Variants in LAMB3 observed in about 807,000 individuals in gnomAD.
LAMB3 encodes the protein laminin subunit beta 3, also known as laminin subunit beta-3.
In LAMB3, 104 loss-of-function variants were observed where a neutral mutation model predicts 140.3. The ratio of observed to expected loss-of-function variants is 0.74; its 90% CI spans 0.63 to 0.87. The LOEUF (loss-of-function observed/expected upper bound fraction) is 0.87. LAMB3 is among the 40% of genes least tolerant of loss of function. LAMB3 has a pLI of 0.00. For missense variants in LAMB3, 1,531 were observed against 1,575.2 expected (o/e 0.97, Z 0.47); for synonymous variants, 592 against 602.9 (o/e 0.98, Z 0.26).
chr1:209,635,554 C>A (rs1356284631), intron 5 of LAMB3, among the ~76,000 whole-genome samples: 1 of 152,166 alleles, frequency 6.6e-6, no homozygotes, highest in Non-Finnish European at 1.5e-5. Flanking sequence ...AGGCGCACAC[C>A]ACCATGCCCT....
intron 3 of LAMB3, among the ~76,000 whole-genome samples, chr1:209,647,178 G>A (rs1019888611): frequency 2.0e-5 from 3 of 152,274 alleles, no homozygotes; most frequent in Non-Finnish European, 4.4e-5. Context: ...TTGCAACATG[G>A]ACCCGGAATT....
Position 209,626,927 on chromosome 1 carries a change from C to A in LAMB3, c.1537G>T (p.Ala513Ser). The change falls in exon 13 of 23, where the codon GCT becomes TCT. Residue 513 changes from alanine (A) to serine (S), a missense_variant. Ala to Ser is a moderately conservative substitution (Grantham distance 99). Coordinates refer to ENST00000356082, the MANE Select transcript of LAMB3 (RefSeq NM_000228.3). ...TCTGGACACTGGCGGATGGCTGCAG[C>A]GCTGCACATCAGGCCACCAAAGCCT... ...REGFGGLMCS[A>S]AAIRQCPDRT... is the part of the protein sequence containing the mutation. 2 of 1,613,832 alleles carry A rather than the reference C, an allele frequency of 1.2e-6. No homozygotes were observed. The highest frequency in any genetic ancestry group is 1.7e-6 in the Non-Finnish European group (2 of 1,179,970).
intron 8 of LAMB3, among the ~76,000 whole-genome samples, chr1:209,632,293 T>C (rs1010942824): frequency 6.6e-6 from 1 of 152,210 alleles, no homozygotes; most frequent in African/African-American, 2.4e-5. Flanking sequence ...TCAGTGAAAT[T>C]ATAATGCATA....
Position 209,623,759 on chromosome 1 carries a change from G to T in LAMB3, c.2138-34C>A. 7 of 1,613,522 alleles carry T rather than the reference G, an allele frequency of 4.3e-6. No individual in the cohort carries two copies. Among genetic ancestry groups the T allele is most frequent in the Non-Finnish European group, 5.9e-6 (7 of 1,179,632 alleles). Reference sequence around the variant, plus strand: ...AGAAGCATGAGGAATGGAGATGGAGGAGGAGCAGGAGGGAGAGGGGGTGGC... The same window carrying T: ...AGAAGCATGAGGAATGGAGATGGAGTAGGAGCAGGAGGGAGAGGGGGTGGC... On this transcript the variant is annotated intron_variant, in intron 15 of 22. Transcript: ENST00000356082. The surrounding 1 kb of genome is among the most constrained non-coding windows in gnomAD (Gnocchi z 4.2).
intron 18 of LAMB3, among the ~76,000 whole-genome samples, chr1:209,618,953 G>A (rs1666092336): frequency 6.6e-6 from 1 of 152,238 alleles, no homozygotes; most frequent in African/African-American, 2.4e-5. Context: ...GCGGGCTGGG[G>A]AGAAGGAGGT....
At chr1:209,615,437 G>A (rs1337584148) in intron 22 of LAMB3, 30 bp from the exon 23 acceptor site, 4 of 1,567,558 alleles carry the variant, frequency 2.6e-6, no homozygotes, top group East Asian at 4.5e-5. Context: ...AGCAGGAGGA[G>A]GAGTTGATGG....
At chr1:209,641,070 G>A (rs867851084) in intron 3 of LAMB3, among the ~76,000 whole-genome samples, 29 of 134,588 alleles carry the variant, frequency 2.2e-4, no homozygotes, top group African/African-American at 6.2e-4. Flanking sequence ...GCAACAGAGC[G>A]AGACTCTGTC....
In LAMB3 at chr1:209,625,854, C is replaced by T. The variant is rs143594988; in HGVS notation, c.1770G>A (p.Ala590=). The change falls in exon 14 of 23, where the codon GCG becomes GCA. Residue 590 remains alanine (A), a synonymous_variant. Coordinates refer to ENST00000356082, the MANE Select transcript of LAMB3 (RefSeq NM_000228.3). ...ACHPCFQTYD[A]DLREQALRFG... ...AGCGCAGGGCCTGCTCCCGGAGGTC[C>T]GCATCATAGGTCTGGAAGCAAGGGT... is the stretch of plus-strand genomic sequence containing the variant. 5.6e-5 allele frequency: 91 copies of T among 1,614,094 alleles called. No homozygotes were observed. In the African/African-American group the frequency reaches 9.3e-4, roughly 17 times the overall value.
At position 209,623,829 on chromosome 1, in the gene LAMB3, C is replaced by T. The variant is rs545798287; in HGVS notation, c.2137+11G>A. On this transcript the variant is annotated intron_variant, in intron 15 of 22. Transcript: ENST00000356082. This position sits in a 1 kb window ranked among gnomAD's most constrained non-coding sequence, Gnocchi z 4.2. The stretch of plus-strand genomic sequence containing the variant: ...CCATGCCCGGGGTTATCCGGGTGCC[C>T]CTCTCCTCACCTGAAGGATCAGCAC... 1.9e-6 allele frequency: 3 copies of T among 1,614,166 alleles called. No homozygotes were observed. The highest frequency in any genetic ancestry group is 2.2e-5 in the East Asian group (1 of 44,886).
intron 22 of LAMB3, 27 bp from the exon 23 acceptor site, chr1:209,615,434 G>A: frequency 6.4e-7 from 1 of 1,571,662 alleles, no homozygotes. Flanking sequence ...AGCAGCAGGA[G>A]GAGGAGTTGA....
In LAMB3 at chr1:209,623,683, T is replaced by C; in HGVS notation, c.2180A>G (p.Gln727Arg). The C allele has an allele frequency of 6.2e-7, 1 of 1,614,150 alleles. No individual in the cohort carries two copies. Among genetic ancestry groups the C allele is most frequent in the South Asian group, 1.1e-5 (1 of 91,078 alleles). The change falls in exon 16 of 23, where the codon CAG becomes CGG. Residue 727 changes from glutamine to arginine, a missense_variant. By Grantham distance (43) the Gln-to-Arg change is conservative. Coordinates refer to ENST00000356082, the MANE Select transcript of LAMB3 (RefSeq NM_000228.3). The surrounding 1 kb of genome is among the most constrained non-coding windows in gnomAD (Gnocchi z 4.2). ...MLSTAYEQSA[Q>R]AAQQVSDSSR... ...GCTGTCGGAGACCTGCTGAGCAGCC[T>C]GGGCTGACTGCTCGTAGGCTGTGCT...
intron 10 of LAMB3, among the ~76,000 whole-genome samples, chr1:209,629,432 A>G (rs1666594292): frequency 6.6e-6 from 1 of 152,210 alleles, no homozygotes; most frequent in Admixed American, 6.5e-5. Context: ...TATACAGTTT[A>G]TATTGCCAAA....
At position 209,616,524 on chromosome 1, in the gene LAMB3, G is replaced by A. The variant is rs886045859; in HGVS notation, c.3329C>T (p.Thr1110Ile). 3 of 1,614,008 alleles carry A rather than the reference G, an allele frequency of 1.9e-6. No individual in the cohort carries two copies. Among genetic ancestry groups the A allele is most frequent in the East Asian group, 4.5e-5 (2 of 44,898 alleles). The change falls in exon 22 of 23, where the codon ACA (threonine) becomes ATA (isoleucine). Residue 1110 changes from threonine (T) to isoleucine (I), a missense_variant. By Grantham distance (89) the Thr-to-Ile change is moderately conservative. Coordinates refer to ENST00000356082, the MANE Select transcript of LAMB3 (RefSeq NM_000228.3). The part of the protein sequence containing the change: ...EQGARIQSVK[T>I]EAEELFGETM... ...CTCCCCAAACAGCTCCTCTGCCTCT[G>A]TCTTCACACTCTGGATCCGGGCACC...
intron 3 of LAMB3, among the ~76,000 whole-genome samples, chr1:209,639,900 G>A (rs561321425): frequency 8.5e-5 from 13 of 152,320 alleles, no homozygotes; most frequent in South Asian, 6.2e-4. Flanking sequence ...CTGTACCGCT[G>A]CTTTCCTCTA....
At chr1:209,629,595 C>A in intron 10 of LAMB3, 142 bp downstream of exon 10, 1 of 750,700 alleles carries the variant, frequency 1.3e-6, no homozygotes, top group Non-Finnish European at 2.4e-6. Flanking sequence ...TTAAAATAAT[C>A]TCCCACAAAT....
At chr1:209,634,931 C>G (rs1666842559) in intron 5 of LAMB3, among the ~76,000 whole-genome samples, 1 of 141,762 alleles carries the variant, frequency 7.1e-6, no homozygotes, top group Non-Finnish European at 1.6e-5. Context: ...CTCTCTCTCT[C>G]TCTCTCTCTC....
intron 1 of LAMB3, among the ~76,000 whole-genome samples, chr1:209,652,020 G>A (rs1332585286): frequency 6.6e-6 from 1 of 152,098 alleles, no homozygotes; most frequent in Non-Finnish European, 1.5e-5. Flanking sequence ...GCTAACGATG[G>A]CCTAAGAGAG....
rs777584225 is a variant in LAMB3, at chr1:209,617,938, G to C, written c.3020C>G (p.Ser1007Cys). ...AQDTMQGTSR[S>C]LRLIQDRVAE... is the part of the protein sequence containing the mutation. ...AACCCTGTCCTGGATAAGCCGAAGG[G>C]AGCGGCTGGTGCCTTGCATGGTGTC... The change falls in exon 20 of 23, where the codon TCC becomes TGC. Residue 1007 changes from serine to cysteine, a missense_variant. By Grantham distance (112) the Ser-to-Cys change is moderately radical. Coordinates refer to ENST00000356082, the MANE Select transcript of LAMB3 (RefSeq NM_000228.3). 6.2e-7 allele frequency: 1 copy of C among 1,614,178 alleles called. No homozygotes were observed. Among genetic ancestry groups the C allele is most frequent in the Admixed American group, 1.7e-5 (1 of 60,028 alleles).
Position 209,623,933 on chromosome 1 carries a change from G to A in LAMB3, c.2044C>T (p.Leu682=). 6.2e-7 allele frequency: 1 copy of A among 1,614,150 alleles called. No homozygotes were observed. Among genetic ancestry groups the A allele is most frequent in the Non-Finnish European group, 8.5e-7 (1 of 1,180,000 alleles). ...EEETLSLPRD[L]ESLDRSFNGL... is the part of the protein sequence containing the mutation. ...TTGAAGCTTCTGTCAAGACTCTCCA[G>A]GTCTCTCGGAAGGGACAACGTCTCC... is the stretch of plus-strand genomic sequence containing the variant. Residue 682 remains leucine, a synonymous_variant, in exon 15 of 23, where the codon CTG becomes TTG. Coordinates refer to ENST00000356082, the MANE Select transcript of LAMB3 (RefSeq NM_000228.3). This position sits in a 1 kb window ranked among gnomAD's most constrained non-coding sequence, Gnocchi z 4.2.
Sources: allele counts gnomAD v4.1 joint callset (sites outside exome capture counted in the v4.1 genomes callset), GRCh38; gene constraint gnomAD v4.1.1; non-coding constraint Gnocchi (gnomAD v3.1); transcripts MANE v1.5; gene names NCBI Gene and HGNC (gene_info 2026-07-23, HGNC 2026-07-21).